The following NTM variants were observed in gnomAD, a reference collection of about 807,000 sequenced individuals.
NTM encodes the protein IgLON family member 2.
A neutral mutation model predicts 42.1 loss-of-function variants in NTM; 13 were observed. The ratio of observed to expected loss-of-function variants is 0.31; its 90% CI spans 0.20 to 0.49. The LOEUF (loss-of-function observed/expected upper bound fraction) is 0.49. Ranked by LOEUF, NTM falls within the 20% of genes least tolerant of loss-of-function variation. NTM has a pLI of 0.99. For synonymous variants in NTM, 187 were observed against 179.2 expected, an observed-to-expected ratio of 1.04 and a Z score of -0.35; for missense variants, 373 against 452.8, an observed-to-expected ratio of 0.82 and a Z score of 1.60.
At chr11:131,673,785 G>A (rs1310946427) in intron 1 of NTM, among the ~76,000 whole-genome samples, 1 of 152,126 alleles carries the variant, frequency 6.6e-6, no homozygotes, top group Non-Finnish European at 1.5e-5. Context: ...TGAGGCTGGA[G>A]AACAGAGATC....
chr11:132,110,650 A>T (rs2063037895), intron 2 of NTM, among the ~76,000 whole-genome samples: 1 of 152,194 alleles, frequency 6.6e-6, no homozygotes, highest in African/African-American at 2.4e-5. Flanking sequence ...ATTTCTAAAT[A>T]TATGTTCAAA....
At chr11:131,604,375 G>A (rs952210595) in intron 1 of NTM, among the ~76,000 whole-genome samples, 1 of 152,090 alleles carries the variant, frequency 6.6e-6, no homozygotes, top group Non-Finnish European at 1.5e-5. Context: ...TTTAAATTGA[G>A]TATTTGCCTT....
intron 1 of NTM, among the ~76,000 whole-genome samples, chr11:131,555,449 G>A (rs1035166888): frequency 1.2e-4 from 18 of 152,072 alleles, no homozygotes; most frequent in African/African-American, 4.1e-4. Context: ...AGTAGTTTCC[G>A]GGTCTCTTCT....
At chr11:131,894,132 A>C (rs2051834429) in intron 1 of NTM, among the ~76,000 whole-genome samples, 1 of 152,188 alleles carries the variant, frequency 6.6e-6, no homozygotes, top group African/African-American at 2.4e-5. Context: ...TCTGGATAAC[A>C]ATCTGGTGTT....
intron 1 of NTM, among the ~76,000 whole-genome samples, chr11:131,854,760 A>G (rs2045937731): frequency 6.6e-6 from 1 of 152,214 alleles, no homozygotes; most frequent in Non-Finnish European, 1.5e-5. Flanking sequence ...GTACAAATGC[A>G]GATACTTTTG....
chr11:131,977,865 C>T (rs538174754), intron 2 of NTM, among the ~76,000 whole-genome samples: 1 of 152,318 alleles, frequency 6.6e-6, no homozygotes, highest in South Asian at 2.1e-4. Context: ...CTTTATGTGG[C>T]CTTTGATATG....
chr11:132,248,619 G>A (rs1188728060), intron 4 of NTM, among the ~76,000 whole-genome samples: 3 of 152,198 alleles, frequency 2.0e-5, no homozygotes, highest in Non-Finnish European at 2.9e-5. Context: ...GACATCGGAA[G>A]CCAAGGTCTG....
At chr11:132,054,063 A>G (rs1402516844) in intron 2 of NTM, among the ~76,000 whole-genome samples, 1 of 152,210 alleles carries the variant, frequency 6.6e-6, no homozygotes, top group Non-Finnish European at 1.5e-5. Context: ...TAAAAATACA[A>G]AATTTGCCAG....
intron 1 of NTM, among the ~76,000 whole-genome samples, chr11:131,910,609 C>A (rs2054653635): frequency 2.7e-5 from 4 of 150,768 alleles, no homozygotes; most frequent in Admixed American, 2.6e-4. Flanking sequence ...GGGGCCCGCG[C>A]GCGTCGGGGC....
chr11:131,642,882 C>A (rs1490711115), intron 1 of NTM, among the ~76,000 whole-genome samples: 5 of 152,132 alleles, frequency 3.3e-5, no homozygotes, highest in African/African-American at 9.7e-5. Context: ...CCTCTAACAG[C>A]AATTCTCTCT....
rs142891037 is a variant in NTM at position 132,036,119 on chromosome 11, G to T, written c.168-110163G>T. Among the ~76,000 whole-genome samples, 992 of 152,234 alleles carry T rather than the reference G, an allele frequency of 6.5e-3. 10 individuals are homozygous for T. The highest frequency in any genetic ancestry group is 0.023 in the African/African-American group (941 of 41,526). On this transcript the variant is annotated intron_variant, in intron 2 of 8. Transcript: ENST00000683400. ...CCTGTTCTACTGTGGTCTGTTTCTT[G>T]TCTTATGCTACTAAGGATATTTAGT...
chr11:131,942,888 G>C (rs2059949516), intron 2 of NTM, among the ~76,000 whole-genome samples: 4 of 151,910 alleles, frequency 2.6e-5, no homozygotes, highest in Admixed American at 2.0e-4. Flanking sequence ...GGAGGTTGTG[G>C]TGGGCCGAGA....
rs76805981 is a variant in NTM, at chr11:132,082,902, C to T, written c.168-63380C>T. On this transcript the variant is annotated intron_variant, in intron 2 of 8. Transcript: ENST00000683400. ...AATGAAACAAAAGCGAGGGTAAGGACGGCTCAAAAATTCTGAGGCTGCTGG... is the reference window on the plus strand; with the variant it reads ...AATGAAACAAAAGCGAGGGTAAGGATGGCTCAAAAATTCTGAGGCTGCTGG... 1.0e-3 allele frequency among the ~76,000 whole-genome samples: 155 copies of T among 152,240 alleles called. 3 individuals carry two copies. The East Asian group carries it at 0.027, about 27-fold the overall frequency.
intron 4 of NTM, among the ~76,000 whole-genome samples, chr11:132,303,202 G>A (rs2094930762): frequency 6.6e-6 from 1 of 152,246 alleles, no homozygotes; most frequent in South Asian, 2.1e-4. Context: ...CAGGACTACT[G>A]TGACAAGGCA....
chr11:131,791,478 T>C (rs906005704), intron 1 of NTM, among the ~76,000 whole-genome samples: 2 of 152,234 alleles, frequency 1.3e-5, no homozygotes, highest in East Asian at 1.9e-4. Context: ...GTACAACTTA[T>C]AAATTTTCCT....
chr11:131,644,241 G>C (rs2065491615), intron 1 of NTM, among the ~76,000 whole-genome samples: 1 of 152,148 alleles, frequency 6.6e-6, no homozygotes, highest in Non-Finnish European at 1.5e-5. Context: ...GATGCTCAGA[G>C]GGACCCATTA....
intron 1 of NTM, among the ~76,000 whole-genome samples, chr11:131,466,273 C>T (rs1178090877): frequency 6.6e-6 from 1 of 152,210 alleles, no homozygotes; most frequent in Admixed American, 6.5e-5. Context: ...GGAATTCAAG[C>T]TACAAATGCA....
chr11:131,533,015 TGTTTAA>T (rs1264513598), intron 1 of NTM, among the ~76,000 whole-genome samples: 1 of 152,214 alleles, frequency 6.6e-6, no homozygotes, highest in Non-Finnish European at 1.5e-5. Context: ...GGCTTATTTT[TGTTTAA>T]GTTTAATAAA....
chr11:131,958,489 A>C (rs201030811), intron 2 of NTM, among the ~76,000 whole-genome samples: 1 of 152,324 alleles, frequency 6.6e-6, no homozygotes, highest in East Asian at 1.9e-4. Flanking sequence ...TGTTTAGGGA[A>C]AACAAGAAAT....
Sources: allele counts gnomAD v4.1 joint callset (sites outside exome capture counted in the v4.1 genomes callset), GRCh38; gene constraint gnomAD v4.1.1; transcripts MANE v1.5; gene names NCBI Gene and HGNC (gene_info 2026-07-23, HGNC 2026-07-21).